DOCK1: variants seen among roughly 807,000 people sequenced by gnomAD.
The protein encoded by DOCK1 is dedicator of cytokinesis 1, also known as dedicator of cytokinesis protein 1.
DOCK1 carries 138 observed loss-of-function variants against 262.7 expected under a neutral mutation model. That is an observed-to-expected ratio of 0.53 (90% CI 0.46 to 0.61). The LOEUF (loss-of-function observed/expected upper bound fraction) is 0.61. DOCK1 is among the 20% of genes least tolerant of loss of function. DOCK1 has a pLI of 0.00. For missense variants in DOCK1, 1,908 were observed against 2,370.7 expected (o/e 0.80, Z 4.05); for synonymous variants, 866 against 867.4 (o/e 1.00, Z 0.03).
chr10:127,205,716 T>A (rs1415255278), intron 27 of DOCK1, among the ~76,000 whole-genome samples: 1 of 152,232 alleles, frequency 6.6e-6, no homozygotes. Context: ...TCAGCTTAAA[T>A]TGCGATTCAT....
Position 126,995,012 on chromosome 10 carries a change from C to T in DOCK1, c.474-1736C>T, listed in dbSNP as rs575271909. ...CCTCACCTCCCAGACGGGGTGGCGGCGGGGCAGAGACACTCCTCAGTTCCC... is the reference window on the plus strand; with the variant it reads ...CCTCACCTCCCAGACGGGGTGGCGGTGGGGCAGAGACACTCCTCAGTTCCC... On this transcript the variant is annotated intron_variant, in intron 6 of 51. Transcript: ENST00000623213. This position sits in a 1 kb window ranked among gnomAD's most constrained non-coding sequence, Gnocchi z 5.8. Among the ~76,000 whole-genome samples, 59 of 151,622 alleles carry T rather than the reference C, an allele frequency of 3.9e-4. No homozygotes were observed. Among genetic ancestry groups the T allele is most frequent in the Non-Finnish European group, 3.2e-4 (22 of 67,896 alleles).
chr10:127,075,833 A>C (rs1260949815), intron 23 of DOCK1, among the ~76,000 whole-genome samples: 2 of 152,166 alleles, frequency 1.3e-5, no homozygotes, highest in Non-Finnish European at 2.9e-5. Context: ...GGGGACACAG[A>C]ACCAAACCAT....
In DOCK1 at chr10:127,262,077, G is replaced by T. The variant is rs372147665; in HGVS notation, c.3044+4648G>T. 5.3e-3 allele frequency among the ~76,000 whole-genome samples: 448 copies of T among 83,838 alleles called. 5 individuals carry two copies. The highest frequency in any genetic ancestry group is 0.035 in the Middle Eastern group (3 of 86). 55.0% of individuals were successfully genotyped at this position (83,838 alleles called of 152,430 possible). A position where few individuals can be genotyped will look rare whatever the true frequency, so the allele number is the denominator to read the frequency against. On this transcript the variant is annotated intron_variant, in intron 29 of 51. Transcript: ENST00000623213. ...GTGCTCTTCTGTGTGTGTGCATGTG[G>T]GTGTGTGTGTGTACCCGTGCTCCTC...
At chr10:127,118,451 T>C (rs994330223) in intron 25 of DOCK1, among the ~76,000 whole-genome samples, 1 of 152,210 alleles carries the variant, frequency 6.6e-6, no homozygotes, top group Non-Finnish European at 1.5e-5. Context: ...AATCCTTAGT[T>C]TTCCAGAGTA....
intron 29 of DOCK1, among the ~76,000 whole-genome samples, chr10:127,290,313 A>G (rs1435217273): frequency 6.6e-6 from 1 of 151,748 alleles, no homozygotes; most frequent in African/African-American, 2.4e-5. Flanking sequence ...CTGTGTTTTT[A>G]TGTTGTGTAT....
intron 51 of DOCK1, among the ~76,000 whole-genome samples, chr10:127,448,437 G>A (rs916053140): frequency 2.0e-5 from 3 of 152,202 alleles, no homozygotes; most frequent in African/African-American, 7.2e-5. Context: ...TTCCTCTCCT[G>A]GTTCTCAAGG....
intron 27 of DOCK1, among the ~76,000 whole-genome samples, chr10:127,229,256 C>G (rs963632741): frequency 6.6e-6 from 1 of 152,104 alleles, no homozygotes; most frequent in Non-Finnish European, 1.5e-5. Context: ...CCAAACAAAC[C>G]TCACAAAACT....
At chr10:127,416,480 G>A (rs61870350) in intron 44 of DOCK1, among the ~76,000 whole-genome samples, 14,176 of 152,220 alleles carry the variant, frequency 0.093, 761 homozygotes, top group South Asian at 0.16. Context: ...GGAGCTTAGG[G>A]AGGTGGAGAG....
At chr10:127,072,558 T>C (rs925928666) in intron 23 of DOCK1, among the ~76,000 whole-genome samples, 3 of 152,204 alleles carry the variant, frequency 2.0e-5, no homozygotes, top group Non-Finnish European at 4.4e-5. Flanking sequence ...AAGAAGGTGC[T>C]GATACAAAGG....
At chr10:127,048,484 C>G (rs2044493941) in intron 21 of DOCK1, among the ~76,000 whole-genome samples, 1 of 151,850 alleles carries the variant, frequency 6.6e-6, no homozygotes, top group South Asian at 2.1e-4. Context: ...TTAATGGTGT[C>G]TTTCGATGAG....
chr10:127,050,463 A>G (rs1448912373), intron 21 of DOCK1, among the ~76,000 whole-genome samples: 1 of 152,106 alleles, frequency 6.6e-6, no homozygotes, highest in African/African-American at 2.4e-5. Flanking sequence ...CGGTAATCCC[A>G]GCACTTGGGG....
At chr10:127,031,522 T>A in intron 16 of DOCK1, 128 bp from the exon 17 acceptor site, 3 of 649,620 alleles carry the variant, frequency 4.6e-6, no homozygotes, top group Non-Finnish European at 7.6e-6. Context: ...TTTATTAGAT[T>A]AGCTTTAATA....
chr10:127,137,744 A>G, intron 27 of DOCK1: 1 of 1,243,720 alleles, frequency 8.0e-7, no homozygotes, highest in East Asian at 2.3e-5. Flanking sequence ...AATGGGCACC[A>G]CAGTTCCCTC....
At chr10:127,341,749 C>T (rs1371318148) in intron 30 of DOCK1, among the ~76,000 whole-genome samples, 1 of 152,172 alleles carries the variant, frequency 6.6e-6, no homozygotes, top group Admixed American at 6.5e-5. Flanking sequence ...GCCCGCACAC[C>T]TTACAAGCCA....
At chr10:126,945,574 A>C (rs1345377372) in intron 1 of DOCK1, among the ~76,000 whole-genome samples, 1 of 152,156 alleles carries the variant, frequency 6.6e-6, no homozygotes, top group Non-Finnish European at 1.5e-5. Flanking sequence ...ATTGGCTAGA[A>C]GTGAGTCACT....
chr10:127,089,213 C>T (rs559983843), intron 23 of DOCK1, among the ~76,000 whole-genome samples: 1 of 152,316 alleles, frequency 6.6e-6, no homozygotes, highest in East Asian at 1.9e-4. Flanking sequence ...TGACTCAGCT[C>T]TGCTCCTGTT....
chr10:127,434,651 A>G (rs760972548), intron 48 of DOCK1, among the ~76,000 whole-genome samples: 10 of 147,584 alleles, frequency 6.8e-5, no homozygotes, highest in Non-Finnish European at 1.2e-4. Flanking sequence ...GACAATGTCT[A>G]CTTTCTTTTT....
intron 38 of DOCK1, among the ~76,000 whole-genome samples, chr10:127,400,379 C>A (rs1042576586): frequency 1.3e-5 from 2 of 152,016 alleles, no homozygotes; most frequent in Non-Finnish European, 2.9e-5. Context: ...TGACCCAGGT[C>A]TGGGGCTTGG....
intron 51 of DOCK1, among the ~76,000 whole-genome samples, chr10:127,449,150 A>G (rs2070789690): frequency 6.6e-6 from 1 of 152,182 alleles, no homozygotes; most frequent in African/African-American, 2.4e-5. Context: ...GCAGGCTGGA[A>G]TGGTTTGTTG....
Sources: allele counts gnomAD v4.1 joint callset (sites outside exome capture counted in the v4.1 genomes callset), GRCh38; gene constraint gnomAD v4.1.1; non-coding constraint Gnocchi (gnomAD v3.1); transcripts MANE v1.5; gene names NCBI Gene and HGNC (gene_info 2026-07-23, HGNC 2026-07-21).